P2RX5: variants seen among roughly 807,000 people sequenced by gnomAD.
P2RX5 encodes the protein P2X purinoceptor 5.
A neutral mutation model predicts 54.1 loss-of-function variants in P2RX5; 46 were observed. The observed-to-expected ratio is 0.85, with a 90% CI of 0.67 to 1.09. P2RX5 has a LOEUF of 1.09. Among genes scored for constraint, P2RX5 ranks in the 50% least tolerant of loss-of-function variants. The pLI, the probability that P2RX5 is intolerant of heterozygous loss-of-function variation, is 0.00. For synonymous variants in P2RX5, 226 were observed against 226.4 expected (o/e 1.00, Z 0.02); for missense variants, 566 against 549.8 (o/e 1.03, Z -0.29).
At chr17:3,704,296 G>GGGC in the P2RX5 span, among the ~76,000 whole-genome samples, 2 of 152,144 alleles carry the variant, frequency 1.3e-5, no homozygotes, top group African/African-American at 4.8e-5. Flanking sequence ...CGCGATAAGG[G>GGGC]GGCCAGCTGC....
chr17:3,695,829 G>GCCCCCCCCC, intron 1 of P2RX5, 40 bp downstream of exon 1: 1 of 1,586,536 alleles, frequency 6.3e-7, no homozygotes, highest in Non-Finnish European at 8.6e-7. Context: ...CACCCGCCCT[G>GCCCCCCCCC]CCCCTCCCCC....
intron 9 of P2RX5, among the ~76,000 whole-genome samples, chr17:3,684,847 T>C (rs2050392367): frequency 6.9e-6 from 1 of 144,336 alleles, no homozygotes; most frequent in African/African-American, 2.6e-5. Context: ...TTTTTTTTTT[T>C]TTTTTTTTTT....
rs780340074 is a variant in P2RX5 at position 3,695,890 on chromosome 17, G to C, written c.116C>G (p.Ser39Cys). Residue 39 changes from serine to cysteine, a missense_variant, in exon 1 of 12, where the codon TCC becomes TGC. Ser to Cys is a moderately radical substitution (Grantham distance 112, BLOSUM62 -1). Transcript: ENST00000225328. ...TTACACGACCAGGTACGCCAGGATG[G>C]AGGCCTGCAGCAGCCGGTACAGCAG... ...VGLLYRLLQA[S>C]ILAYLVVWVF... The C allele has an allele frequency of 2.5e-6, 4 of 1,613,960 alleles. No individual in the cohort carries two copies. The Admixed American group carries it at 5.0e-5, about 20-fold the overall frequency.
rs1014692766 is a variant in P2RX5, at chr17:3,675,884, G to C, written c.1260-2007C>G. ...TACTTTCTAATCAGAGAGCAGTATA[G>C]GCTTGTTGCAGGTTCCCTTCCCAGA... On this transcript the variant is annotated intron_variant, in intron 11 of 11. Transcript: ENST00000225328. 8 of 985,216 alleles carry C rather than the reference G, an allele frequency of 8.1e-6. No individual in the cohort carries two copies. The African/African-American group carries it at 1.0e-4, about 13-fold the overall frequency. The allele number at this position is 985,216 out of a possible 1,614,324, so 61.0% of individuals were successfully genotyped here. A position where few individuals can be genotyped will look rare whatever the true frequency, so the allele number is the denominator to read the frequency against.
Position 3,679,730 on chromosome 17 carries a change from T to C in P2RX5, c.1119A>G (p.Leu373=), listed in dbSNP as rs1229699239. ...EAEDEASGLG[L]SEQLTSGPGL... ...CTGGCCCAGATGTGAGCTGCTCAGA[T>C]AGCCCCAGCCCCGATGCCTCGTCCT... Residue 373 remains leucine (L), a synonymous_variant, in exon 11 of 12, where the codon CTA becomes CTG. Transcript: ENST00000225328. 1.4e-5 allele frequency: 23 copies of C among 1,612,416 alleles called. No homozygotes were observed. The highest frequency in any genetic ancestry group is 1.9e-5 in the Non-Finnish European group (22 of 1,179,822).
At chr17:3,714,101 T>G in the P2RX5 span, among the ~76,000 whole-genome samples, 22,414 of 150,938 alleles carry the variant, frequency 0.15, 5,202 homozygotes, top group African/African-American at 0.5. Context: ...CTAATTTTTT[T>G]TATTTTTAGT....
rs554535645 is a variant in P2RX5 at position 3,694,578 on chromosome 17, G to A, written c.137+1291C>T. ...TTTCCCTGCCATGTGAGGACACAGCGAGAGGGTGGCCATCTGCAAGCCAAG... is the reference window on the plus strand; with the variant it reads ...TTTCCCTGCCATGTGAGGACACAGCAAGAGGGTGGCCATCTGCAAGCCAAG... On this transcript the variant is annotated intron_variant, in intron 1 of 11. Transcript: ENST00000225328. 7.9e-4 allele frequency among the ~76,000 whole-genome samples: 120 copies of A among 152,296 alleles called. 1 individual carries two copies. Among genetic ancestry groups the A allele is most frequent in the Non-Finnish European group, 7.6e-4 (52 of 68,032 alleles).
Position 3,679,770 on chromosome 17 carries a change from C to T in P2RX5, c.1079G>A (p.Ser360Asn). ...TGCCTCGTCCTCGGCCTCCTGGGAA[C>T]TGTCTTCTAGGCCCCTGGACAAGAT... ...KYEEVRGLED[S>N]SQEAEDEASG... Residue 360 changes from serine to asparagine, a missense_variant, in exon 11 of 12, where the codon AGT (serine) becomes AAT (asparagine). Physicochemically the swap from Ser to Asn is conservative, Grantham distance 46. Transcript: ENST00000225328. The T allele has an allele frequency of 6.2e-7, 1 of 1,610,762 alleles. No homozygotes were observed. Among genetic ancestry groups the T allele is most frequent in the South Asian group, 1.1e-5 (1 of 91,086 alleles).
At chr17:3,692,158 A>AT (rs35583282) in intron 1 of P2RX5, among the ~76,000 whole-genome samples, 1 of 150,766 alleles carries the variant, frequency 6.6e-6, no homozygotes, top group Non-Finnish European at 1.5e-5. Flanking sequence ...AAAAAAAAAA[A>AT]TACAAAAAAT....
the P2RX5 span, among the ~76,000 whole-genome samples, chr17:3,706,504 T>C: frequency 8.5e-5 from 13 of 152,276 alleles, no homozygotes; most frequent in South Asian, 1.2e-3. Flanking sequence ...GTGCAGCCCA[T>C]TGACAAAGTG....
the P2RX5 span, among the ~76,000 whole-genome samples, chr17:3,710,882 C>A: frequency 6.6e-6 from 1 of 152,082 alleles, no homozygotes; most frequent in Non-Finnish European, 1.5e-5. Flanking sequence ...GAGCCGAGAT[C>A]GCACCACTGC....
chr17:3,715,225 T>C, the P2RX5 span, among the ~76,000 whole-genome samples: 1 of 152,260 alleles, frequency 6.6e-6, no homozygotes, highest in East Asian at 1.9e-4. Context: ...TAATTTCGGC[T>C]GTACTGGATC....
At position 3,689,621 on chromosome 17, in the gene P2RX5, C is replaced by T. The variant is rs2050545303; in HGVS notation, c.624G>A (p.Val208=). Residue 208 remains valine (V), a synonymous_variant, in exon 7 of 12, where the codon GTG becomes GTA. Coordinates refer to ENST00000225328, the MANE Select transcript of P2RX5 (RefSeq NM_002561.4). ...FPKFNFSKSN[V]MDVKDRSFLK... ...GGAAAGATCTGTCCTTGACGTCCAT[C>T]ACATTGCTTCTGGGTGGAGGCCATG... The T allele has an allele frequency of 6.2e-7, 1 of 1,614,040 alleles. No homozygotes were observed. Among genetic ancestry groups the T allele is most frequent in the African/African-American group, 1.3e-5 (1 of 74,928 alleles).
In P2RX5 at chr17:3,680,157, C is replaced by G. The variant is rs1186022316; in HGVS notation, c.1065-373G>C. 5.0e-5 allele frequency among the ~76,000 whole-genome samples: 6 copies of G among 120,174 alleles called. 1 individual carries two copies. The highest frequency in any genetic ancestry group is 2.0e-4 in the African/African-American group (6 of 30,732). 78.8% of individuals were successfully genotyped at this position (120,174 alleles called of 152,430 possible). A position where few individuals can be genotyped will look rare whatever the true frequency, so the allele number is the denominator to read the frequency against. On this transcript the variant is annotated intron_variant, in intron 10 of 11. Transcript: ENST00000225328. ...CATCCTCCACCCTGAGTCCTCCATC[C>G]GGTGTCCTCCACCCTGCATCCTCCA...
intron 1 of P2RX5, 100 bp from the exon 2 acceptor site, chr17:3,691,894 T>G: frequency 7.9e-7 from 1 of 1,259,714 alleles, no homozygotes; most frequent in Non-Finnish European, 1.2e-6. Flanking sequence ...CAACTCCTAG[T>G]TGAGGTGGAG....
the P2RX5 span, among the ~76,000 whole-genome samples, chr17:3,711,370 C>CTTTTTTTTTTTTTTTTTTTTTTT: frequency 8.2e-4 from 52 of 63,092 alleles, 10 homozygotes; most frequent in South Asian, 1.4e-3. Flanking sequence ...AGCACTCATT[C>CTTTTTTTTTTTTTTTTTTTTTTT]TTTTTTTTTT....
the P2RX5 span, among the ~76,000 whole-genome samples, chr17:3,709,593 C>A: frequency 1.3e-5 from 2 of 152,106 alleles, no homozygotes; most frequent in Admixed American, 1.3e-4. Context: ...CAAGGTGAGA[C>A]CCCAGTCTCC....
intron 8 of P2RX5, 148 bp downstream of exon 8, chr17:3,688,478 G>A: frequency 1.2e-6 from 1 of 858,058 alleles, no homozygotes; most frequent in Non-Finnish European, 2.0e-6. Context: ...CCACTCTGCT[G>A]GGGTCCACAC....
intron 11 of P2RX5, among the ~76,000 whole-genome samples, chr17:3,674,826 C>T (rs769845653): frequency 3.3e-5 from 5 of 152,194 alleles, no homozygotes; most frequent in Non-Finnish European, 1.5e-5. Flanking sequence ...TCTCTGGCTA[C>T]TACTCGCTGA....
Sources: gnomAD v4.1 joint callset for allele counts (sites outside exome capture counted in the v4.1 genomes callset) on GRCh38, gnomAD v4.1.1 for gene constraint, MANE v1.5 for transcripts, NCBI Gene and HGNC (gene_info 2026-07-23, HGNC 2026-07-21) for gene names.